The following DNA2 variants were observed in gnomAD, a reference collection of about 807,000 sequenced individuals.
DNA2 encodes the protein DNA replication helicase/nuclease 2, also known as DNA replication ATP-dependent helicase/nuclease DNA2.
A neutral mutation model predicts 119.1 loss-of-function variants in DNA2; 101 were observed. The ratio of observed to expected loss-of-function variants is 0.85; its 90% CI spans 0.72 to 1.00. The LOEUF (loss-of-function observed/expected upper bound fraction) is 1.00, where lower values mean the gene tolerates loss of function less well. DNA2 is among the 50% of genes least tolerant of loss of function. The probability of loss-of-function intolerance (pLI) is 0.00; values close to 1 mark genes in which losing one functional copy is unlikely to be tolerated. For synonymous variants in DNA2, 366 were observed against 424.4 expected, an observed-to-expected ratio of 0.86 and a Z score of 1.69; for missense variants, 1,121 against 1,255.5, an observed-to-expected ratio of 0.89 and a Z score of 1.62.
chr10:68,448,968 C>CGT (rs59756256), intron 6 of DNA2, among the ~76,000 whole-genome samples: 1,454 of 109,582 alleles, frequency 0.013, 24 homozygotes, highest in African/African-American at 0.036. Flanking sequence ...TGTGTGTGTG[C>CGT]GTGTGTGTGT....
At position 68,468,202 on chromosome 10, in the gene DNA2, G is replaced by A. The variant is rs748997271; in HGVS notation, c.362C>T (p.Pro121Leu). The change falls in exon 3 of 21, where the codon CCA (proline) becomes CTA (leucine). Residue 121 changes from proline to leucine, a missense_variant. Physicochemically the swap from Pro to Leu is moderately conservative, Grantham distance 98. Transcript: ENST00000358410. Reference protein sequence around the residue: ...DKDFGYLILYPDMLISGTSIA... With the variant: ...DKDFGYLILYLDMLISGTSIA... ...GCTGGTGCCAGAAATCAGCATGTCT[G>A]GATACAGAATCAAATATCCAAAATC... 6 of 1,612,306 alleles carry A rather than the reference G, an allele frequency of 3.7e-6. No individual in the cohort carries two copies. The highest frequency in any genetic ancestry group is 8.5e-7 in the Non-Finnish European group (1 of 1,179,308).
chr10:68,452,290 G>C (rs1247120380), intron 5 of DNA2, among the ~76,000 whole-genome samples: 1 of 151,896 alleles, frequency 6.6e-6, no homozygotes, highest in Non-Finnish European at 1.5e-5. Context: ...CAAAAGGTGG[G>C]GCAACATGGT....
chr10:68,451,951 A>G (rs929171452), intron 5 of DNA2, among the ~76,000 whole-genome samples: 2 of 150,552 alleles, frequency 1.3e-5, no homozygotes, highest in Admixed American at 6.6e-5. Flanking sequence ...GCTGTCTTAA[A>G]TAATTTTTTA....
At chr10:68,440,762 T>C (rs2051957440) in intron 9 of DNA2, among the ~76,000 whole-genome samples, 1 of 152,182 alleles carries the variant, frequency 6.6e-6, no homozygotes, top group Admixed American at 6.5e-5. Context: ...TTTCCTTGTG[T>C]TAAAGTCTAA....
rs1403998289 is a variant in DNA2 at position 68,417,284 on chromosome 10, G to A, written c.2968-429C>T. Among the ~76,000 whole-genome samples, 6 of 150,130 alleles carry A rather than the reference G, an allele frequency of 4.0e-5. No homozygotes were observed. The Admixed American group carries it at 4.0e-4, about 10-fold the overall frequency. ...TATCTGAGGTAAGAACTGAGTAGAT[G>A]AGGGATGGAGTACAAAGGAAACCTT... On this transcript the variant is annotated intron_variant, in intron 19 of 20. Transcript: ENST00000358410.
intron 17 of DNA2, among the ~76,000 whole-genome samples, chr10:68,421,184 C>T (rs1011672515): frequency 1.3e-4 from 20 of 152,060 alleles, no homozygotes; most frequent in Non-Finnish European, 2.6e-4. Flanking sequence ...GATCCACCCC[C>T]CTCGGCCTCC....
At chr10:68,464,408 G>A (rs770227654) in intron 4 of DNA2, among the ~76,000 whole-genome samples, 13 of 152,078 alleles carry the variant, frequency 8.5e-5, no homozygotes, top group Non-Finnish European at 5.9e-5. Flanking sequence ...CCAGCTACTC[G>A]AGAGGCTGAG....
rs2051991029 is a variant in DNA2, at chr10:68,443,007, C to T, written c.1325G>A (p.Ser442Asn). The T allele has an allele frequency of 6.2e-7, 1 of 1,610,852 alleles. No homozygotes were observed. Among genetic ancestry groups the T allele is most frequent in the Admixed American group, 1.7e-5 (1 of 59,384 alleles). ...HLKQTHLEYF[S>N]LWCLMLTLES... ...CAGGGTTAACATTAGACACCAAAGG[C>T]TGAAATATTCTAAGTGTGTTTGCTT... The change falls in exon 9 of 21, where the codon AGC becomes AAC. Residue 442 changes from serine (S) to asparagine (N), a missense_variant. Transcript: ENST00000358410.
chr10:68,425,088 C>CTTTTTTTTT (rs60065153), intron 14 of DNA2: 10 of 131,384 alleles, frequency 7.6e-5, no homozygotes, highest in African/African-American at 5.0e-4. Context: ...TGGAACATTT[C>CTTTTTTTTT]TTTTTTTTTT....
intron 14 of DNA2, chr10:68,424,748 A>ACT (rs2051714531): frequency 6.6e-7 from 1 of 1,521,668 alleles, no homozygotes; most frequent in Non-Finnish European, 9.1e-7. Context: ...GACACTACAA[A>ACT]GGTCAGCAAA....
intron 2 of DNA2, 109 bp downstream of exon 2, chr10:68,469,872 C>A: frequency 1.0e-6 from 1 of 983,550 alleles, no homozygotes; most frequent in Non-Finnish European, 1.5e-6. Flanking sequence ...ATCAAACCTA[C>A]TCCCTTTTAA....
Position 68,444,959 on chromosome 10 carries a change from T to C in DNA2, c.1182A>G (p.Lys394=). The part of the protein sequence containing the change: ...PQIIEEEKTC[K]YCSQIGNCAL... ...CACAATTGCCAATTTGTGAACAATA[T>C]TTACAAGTTTTCTCTTCCTCAATTA... Residue 394 remains lysine, a synonymous_variant, in exon 8 of 21, where the codon AAA becomes AAG. Transcript: ENST00000358410. 4 of 1,613,714 alleles carry C rather than the reference T, an allele frequency of 2.5e-6. No individual in the cohort carries two copies. The highest frequency in any genetic ancestry group is 2.5e-6 in the Non-Finnish European group (3 of 1,179,754).
rs139761982 is a variant in DNA2 at position 68,456,478 on chromosome 10, G to A, written c.719+2626C>T. ...TGCCCAGGCTACAGTGCAGTGGCAC[G>A]ATCTCGGCTCGCTGTAATCTCTGCC... is the stretch of plus-strand genomic sequence containing the variant. On this transcript the variant is annotated intron_variant, in intron 5 of 20. Transcript: ENST00000358410. 3.8e-3 allele frequency among the ~76,000 whole-genome samples: 573 copies of A among 152,210 alleles called. 6 individuals carry two copies. Among genetic ancestry groups the A allele is most frequent in the African/African-American group, 0.013 (551 of 41,556 alleles).
At chr10:68,444,839 G>C (rs2052016996) in intron 8 of DNA2, 82 bp downstream of exon 8, 1 of 889,366 alleles carries the variant, frequency 1.1e-6, no homozygotes, top group African/African-American at 1.7e-5. Context: ...TGTTATCAAT[G>C]CCCGTCTGGC....
intron 7 of DNA2, 144 bp from the exon 8 acceptor site, chr10:68,445,227 G>A: frequency 1.4e-6 from 1 of 735,578 alleles, no homozygotes; most frequent in Non-Finnish European, 2.2e-6. Flanking sequence ...CACTTGGGGA[G>A]GCTGAGGTGG....
At chr10:68,417,486 T>G (rs936138889) in intron 19 of DNA2, among the ~76,000 whole-genome samples, 2 of 148,636 alleles carry the variant, frequency 1.3e-5, no homozygotes, top group African/African-American at 5.0e-5. Flanking sequence ...AACATGGCTC[T>G]CTGCAAAAAA....
intron 6 of DNA2, among the ~76,000 whole-genome samples, chr10:68,449,713 G>A (rs1308017024): frequency 2.6e-5 from 4 of 152,154 alleles, no homozygotes. Context: ...CACGAGGTCA[G>A]ACCAGCCTGG....
intron 14 of DNA2, among the ~76,000 whole-genome samples, chr10:68,428,746 T>C: frequency 6.6e-6 from 1 of 152,200 alleles, no homozygotes; most frequent in Non-Finnish European, 1.5e-5. Flanking sequence ...TACTTAACAT[T>C]CTCGAACGAC....
chr10:68,429,335 G>A (rs2051785051), intron 14 of DNA2, among the ~76,000 whole-genome samples: 1 of 151,624 alleles, frequency 6.6e-6, no homozygotes, highest in South Asian at 2.1e-4. Context: ...ACCTGAGGTT[G>A]GGAGTGCGAG....
Sources: gnomAD v4.1 joint callset for allele counts (sites outside exome capture counted in the v4.1 genomes callset) on GRCh38, gnomAD v4.1.1 for gene constraint, MANE v1.5 for transcripts, NCBI Gene and HGNC (gene_info 2026-07-23, HGNC 2026-07-21) for gene names.